RPSA2: variants seen among roughly 807,000 people sequenced by gnomAD.
The protein encoded by RPSA2 is small ribosomal subunit protein uS2B.
At chr19:23,841,732 C>T in the RPSA2 span, among the ~76,000 whole-genome samples, 1 of 152,204 alleles carries the variant, frequency 6.6e-6, no homozygotes, top group African/African-American at 2.4e-5. Flanking sequence ...AGCTTACTCT[C>T]TCTCCTCCTC....
the RPSA2 span, among the ~76,000 whole-genome samples, chr19:23,775,648 A>G: frequency 9.8e-4 from 149 of 152,338 alleles, no homozygotes; most frequent in African/African-American, 3.2e-3. Context: ...ATATGCAGAG[A>G]CAGTCACAAG....
the RPSA2 span, among the ~76,000 whole-genome samples, chr19:23,821,320 G>A: frequency 2.0e-5 from 3 of 152,192 alleles, no homozygotes; most frequent in Non-Finnish European, 4.4e-5. Context: ...GCCACCAGGC[G>A]ATGCCATGAT....
At chr19:23,849,230 G>A in the RPSA2 span, among the ~76,000 whole-genome samples, 3 of 152,210 alleles carry the variant, frequency 2.0e-5, no homozygotes, top group Non-Finnish European at 1.5e-5. Flanking sequence ...AAAGCAGAAT[G>A]CTTGAATCTA....
the RPSA2 span, among the ~76,000 whole-genome samples, chr19:23,861,735 T>A: frequency 6.6e-6 from 1 of 152,084 alleles, no homozygotes; most frequent in Non-Finnish European, 1.5e-5. Context: ...GAAGGGAAGG[T>A]CTAACTTTTG....
the RPSA2 span, chr19:23,798,860 C>T: frequency 6.7e-6 from 1 of 150,338 alleles, no homozygotes; most frequent in Non-Finnish European, 1.5e-5. Flanking sequence ...TAGTAGCTCT[C>T]CAGTTAGCTA....
At chr19:23,798,851 AGT>A in the RPSA2 span, 1 of 6,336 alleles carries the variant, frequency 1.6e-4, no homozygotes, top group East Asian at 0.17. Flanking sequence ...CAAAAACTGT[AGT>A]AGCTCTCCAG....
the RPSA2 span, among the ~76,000 whole-genome samples, chr19:23,864,985 A>C: frequency 6.6e-6 from 1 of 152,064 alleles, no homozygotes; most frequent in Non-Finnish European, 1.5e-5. Flanking sequence ...TATTCTTCCA[A>C]ACATACTCTT....
the RPSA2 span, chr19:23,758,648 G>A: frequency 6.3e-7 from 1 of 1,584,224 alleles, no homozygotes; most frequent in Non-Finnish European, 8.7e-7. Context: ...CCTGGGCGAG[G>A]AGAACTCAGG....
chr19:23,794,482 G>T, the RPSA2 span, among the ~76,000 whole-genome samples: 5 of 152,088 alleles, frequency 3.3e-5, no homozygotes, highest in Non-Finnish European at 7.4e-5. Context: ...AGCCACGTTT[G>T]TCTTCTTTTG....
At chr19:23,823,597 C>T in the RPSA2 span, 1 of 152,324 alleles carries the variant, frequency 6.6e-6, no homozygotes, top group Non-Finnish European at 1.5e-5. Context: ...CTCTTATGCC[C>T]TAGTCACTTG....
chr19:23,822,995 C>G, the RPSA2 span, among the ~76,000 whole-genome samples: 1 of 152,112 alleles, frequency 6.6e-6, no homozygotes, highest in Non-Finnish European at 1.5e-5. Context: ...TATATTTAAC[C>G]ATGAGTCAAT....
the RPSA2 span, among the ~76,000 whole-genome samples, chr19:23,802,988 T>C: frequency 6.6e-6 from 1 of 152,196 alleles, no homozygotes; most frequent in East Asian, 1.9e-4. Context: ...AAAAACTATT[T>C]TAGAAAACCT....
the RPSA2 span, among the ~76,000 whole-genome samples, chr19:23,825,856 T>C: frequency 1.3e-5 from 2 of 152,302 alleles, no homozygotes; most frequent in East Asian, 3.9e-4. Flanking sequence ...CCCAATGTAC[T>C]GAGATTACAG....
chr19:23,777,740 T>G, the RPSA2 span, among the ~76,000 whole-genome samples: 1 of 152,140 alleles, frequency 6.6e-6, no homozygotes, highest in African/African-American at 2.4e-5. Context: ...ACAAGAACAT[T>G]GTGACATATC....
At chr19:23,788,428 A>G in the RPSA2 span, among the ~76,000 whole-genome samples, 1 of 152,076 alleles carries the variant, frequency 6.6e-6, no homozygotes, top group African/African-American at 2.4e-5. Context: ...ACTCTGACCA[A>G]AAAGGGATTG....
chr19:23,866,212 A>G, the RPSA2 span, among the ~76,000 whole-genome samples: 1 of 152,228 alleles, frequency 6.6e-6, no homozygotes, highest in East Asian at 1.9e-4. Flanking sequence ...AGTCTTTTCT[A>G]CATGTCACAC....
the RPSA2 span, among the ~76,000 whole-genome samples, chr19:23,798,503 G>A: frequency 6.6e-6 from 1 of 152,030 alleles, no homozygotes. Context: ...TGAATATAAA[G>A]CCACAATGTC....
the RPSA2 span, among the ~76,000 whole-genome samples, chr19:23,788,049 C>T: frequency 1 from 152,309 of 152,340 alleles, 76,140 homozygotes; most frequent in Non-Finnish European, 1. Context: ...TCCTGCTTGA[C>T]TCCTGCCCAA....
the RPSA2 span, among the ~76,000 whole-genome samples, chr19:23,819,839 G>A: frequency 6.6e-6 from 1 of 152,224 alleles, no homozygotes; most frequent in Middle Eastern, 3.4e-3. Context: ...TGGTTCATGT[G>A]TTCCACTTTT....
Sources: allele counts gnomAD v4.1 joint callset (sites outside exome capture counted in the v4.1 genomes callset), GRCh38; gene constraint gnomAD v4.1.1; transcripts MANE v1.5; gene names NCBI Gene and HGNC (gene_info 2026-07-23, HGNC 2026-07-21).